The following RAB27B variants were observed in gnomAD, a reference collection of about 807,000 sequenced individuals.
RAB27B encodes RAB27B, member RAS oncogene family.
In RAB27B, 15 loss-of-function variants were observed where a neutral mutation model predicts 24.6. The observed-to-expected ratio is 0.61, with a 90% confidence interval of 0.41 to 0.94. The LOEUF (loss-of-function observed/expected upper bound fraction) is 0.94. RAB27B is among the 40% of genes least tolerant of loss of function. The pLI is 0.00. For missense variants in RAB27B, 261 were observed against 266.8 expected, an observed-to-expected ratio of 0.98 and a Z score of 0.15; for synonymous variants, 105 against 92.5, an observed-to-expected ratio of 1.14 and a Z score of -0.78.
chr18:54,783,234 T>C (rs1352154099), intron 2 of RAB27B, among the ~76,000 whole-genome samples: 5 of 152,132 alleles, frequency 3.3e-5, no homozygotes, highest in Non-Finnish European at 7.3e-5. Flanking sequence ...CCCAAAGTGC[T>C]GGGATTACAA....
intron 2 of RAB27B, among the ~76,000 whole-genome samples, chr18:54,797,143 A>G (rs1293114675): frequency 6.6e-6 from 1 of 152,244 alleles, no homozygotes; most frequent in Non-Finnish European, 1.5e-5. Context: ...AGGCAAACAG[A>G]CATTTGAGTG....
At chr18:54,734,050 A>G (rs1909814026) in intron 2 of RAB27B, among the ~76,000 whole-genome samples, 1 of 152,226 alleles carries the variant, frequency 6.6e-6, no homozygotes, top group Non-Finnish European at 1.5e-5. Context: ...TAGCTTAAGA[A>G]GAAAGATAGT....
At chr18:54,827,622 T>A (rs1910517626), upstream of RAB27B, among the ~76,000 whole-genome samples, 1 of 152,174 alleles carries the variant, frequency 6.6e-6, no homozygotes, top group South Asian at 2.1e-4. Context: ...AGAAACAAGT[T>A]AAGTAATTAA....
intron 2 of RAB27B, among the ~76,000 whole-genome samples, chr18:54,793,582 G>A (rs1167123963): frequency 1.3e-5 from 2 of 152,206 alleles, no homozygotes; most frequent in Non-Finnish European, 2.9e-5. Flanking sequence ...CTCTTCCAAT[G>A]TTCATTTCTT....
chr18:54,874,188 G>A (rs1912597254), intron 1 of RAB27B, among the ~76,000 whole-genome samples: 1 of 152,142 alleles, frequency 6.6e-6, no homozygotes, highest in Non-Finnish European at 1.5e-5. Context: ...AATCTCCCAT[G>A]CTATGGTCCT....
At chr18:54,749,119 G>A (rs1333024916) in intron 2 of RAB27B, among the ~76,000 whole-genome samples, 1 of 152,154 alleles carries the variant, frequency 6.6e-6, no homozygotes, top group Non-Finnish European at 1.5e-5. Flanking sequence ...CTTCCTTGGT[G>A]TGATCCTTCC....
chr18:54,834,863 G>A (rs1910833666), intron 1 of RAB27B, among the ~76,000 whole-genome samples: 2 of 151,596 alleles, frequency 1.3e-5, no homozygotes, highest in South Asian at 4.2e-4. Flanking sequence ...TGAACTTGGG[G>A]TCAACTTAAT....
chr18:54,775,873 C>T (rs1332378225), intron 2 of RAB27B, among the ~76,000 whole-genome samples: 1 of 152,204 alleles, frequency 6.6e-6, no homozygotes, highest in Non-Finnish European at 1.5e-5. Flanking sequence ...CATTCAACAT[C>T]ATCCACCTAC....
intron 1 of RAB27B, among the ~76,000 whole-genome samples, chr18:54,847,531 G>A (rs188410547): frequency 4.6e-5 from 7 of 152,252 alleles, no homozygotes; most frequent in South Asian, 2.1e-4. Context: ...TAATTATGAC[G>A]TTAGATGTAT....
chr18:54,805,078 G>A (rs1446105898), intron 2 of RAB27B, among the ~76,000 whole-genome samples: 1 of 151,230 alleles, frequency 6.6e-6, no homozygotes, highest in Non-Finnish European at 1.5e-5. Context: ...GGTTTCTGGA[G>A]GTCTCCTTAA....
chr18:54,837,598 C>T (rs1307012583), intron 1 of RAB27B, among the ~76,000 whole-genome samples: 1 of 151,836 alleles, frequency 6.6e-6, no homozygotes, highest in Non-Finnish European at 1.5e-5. Flanking sequence ...CGGGTGATCT[C>T]CAAAATCTAT....
In RAB27B at chr18:54,801,021, T is replaced by TG. The variant is rs1555657502; in HGVS notation, c.-19-76546_-19-76545insG. ...TTTTGTTCCTGTGTTTTTTTTTTTT[T>TG]TTTTTTTTTTTAACAGAGTCTTGCT... On this transcript the variant is annotated intron_variant, in intron 2 of 4. Transcript: ENST00000586570. 1.0e-4 allele frequency among the ~76,000 whole-genome samples: 15 copies of TG among 144,810 alleles called. No individual in the cohort carries two copies. In the East Asian group the frequency reaches 1.2e-3, roughly 11 times the overall value.
intron 1 of RAB27B, among the ~76,000 whole-genome samples, chr18:54,855,532 C>G (rs917532629): frequency 6.6e-6 from 1 of 152,184 alleles, no homozygotes; most frequent in African/African-American, 2.4e-5. Flanking sequence ...CAATGATTCT[C>G]TTGAGTGGAG....
At chr18:54,846,521 A>G (rs1420549016) in intron 1 of RAB27B, among the ~76,000 whole-genome samples, 1 of 152,238 alleles carries the variant, frequency 6.6e-6, no homozygotes, top group Admixed American at 6.5e-5. Flanking sequence ...TACGTAAAAG[A>G]AGAATAAAAA....
At chr18:54,818,035 A>G (rs948938520) in intron 2 of RAB27B, among the ~76,000 whole-genome samples, 28 of 152,164 alleles carry the variant, frequency 1.8e-4, no homozygotes, top group Admixed American at 1.6e-3. Flanking sequence ...TCCTGACTTC[A>G]ATCTTTGAAT....
At chr18:54,746,188 C>T (rs1201727015) in intron 2 of RAB27B, among the ~76,000 whole-genome samples, 1 of 152,050 alleles carries the variant, frequency 6.6e-6, no homozygotes, top group Non-Finnish European at 1.5e-5. Flanking sequence ...ATGAAATAGT[C>T]CACAACTGAA....
chr18:54,849,689 C>G (rs1412875250), intron 1 of RAB27B, among the ~76,000 whole-genome samples: 1 of 152,112 alleles, frequency 6.6e-6, no homozygotes, highest in Non-Finnish European at 1.5e-5. Flanking sequence ...CCACTGCACT[C>G]CAGCCTGGGC....
At chr18:54,852,335 T>C (rs1336462512) in intron 1 of RAB27B, among the ~76,000 whole-genome samples, 7 of 152,088 alleles carry the variant, frequency 4.6e-5, no homozygotes, top group African/African-American at 1.2e-4. Context: ...ATAGCTAATA[T>C]TGAGAGGAGC....
chr18:54,741,760 C>A (rs906697764), intron 2 of RAB27B, among the ~76,000 whole-genome samples: 2 of 152,150 alleles, frequency 1.3e-5, no homozygotes, highest in Non-Finnish European at 2.9e-5. Flanking sequence ...CCTCCATCTC[C>A]CAAAGTGCTG....
Sources: gnomAD v4.1 joint callset for allele counts (sites outside exome capture counted in the v4.1 genomes callset) on GRCh38, gnomAD v4.1.1 for gene constraint, MANE v1.5 for transcripts, NCBI Gene and HGNC (gene_info 2026-07-23, HGNC 2026-07-21) for gene names.